The following KIF6 variants were observed in gnomAD, a reference collection of about 807,000 sequenced individuals.
The protein encoded by KIF6 is kinesin-like protein KIF6.
In KIF6, 106 loss-of-function variants were observed where a neutral mutation model predicts 112.7. The observed-to-expected ratio is 0.94, with a 90% CI of 0.80 to 1.11. The LOEUF is 1.11. Ranked by LOEUF, KIF6 falls within the 50% of genes least tolerant of loss-of-function variation. The pLI, the probability that KIF6 is intolerant of heterozygous loss-of-function variation, is 0.00. For missense variants in KIF6, 929 were observed against 964.0 expected (o/e 0.96, Z 0.48); for synonymous variants, 339 against 339.9 (o/e 1.00, Z 0.03).
intron 3 of KIF6, among the ~76,000 whole-genome samples, chr6:39,698,367 T>C (rs1388110179): frequency 2.0e-5 from 3 of 152,228 alleles, no homozygotes; most frequent in Non-Finnish European, 4.4e-5. Flanking sequence ...GTTGTAACAT[T>C]AAACCTGATT....
chr6:39,381,931 G>A (rs1766985968), intron 16 of KIF6, among the ~76,000 whole-genome samples: 1 of 152,182 alleles, frequency 6.6e-6, no homozygotes, highest in Admixed American at 6.5e-5. Context: ...AGAGAGATGA[G>A]CAGAGGAATT....
chr6:39,509,009 C>T (rs142541905), intron 13 of KIF6, among the ~76,000 whole-genome samples: 6,503 of 152,174 alleles, frequency 0.043, 172 homozygotes, highest in South Asian at 0.079. Flanking sequence ...GGGTGCTCCT[C>T]TGGGATGAAG....
rs958590520 is a variant in KIF6 at position 39,522,845 on chromosome 6, GC to G, written c.1645+17157del. 1.7e-4 allele frequency among the ~76,000 whole-genome samples: 26 copies of G among 152,228 alleles called. 1 individual carries two copies. In the East Asian group the frequency reaches 2.1e-3, roughly 12 times the overall value. On this transcript the variant is annotated intron_variant, in intron 13 of 22. Coordinates refer to ENST00000287152, the MANE Select transcript of KIF6 (RefSeq NM_145027.6). ...ACTGGGGCTCCTTAATAAGCATTCT[GC>G]CTTTGGTCCTCTTTTCCTCTTTTCC...
intron 13 of KIF6, among the ~76,000 whole-genome samples, chr6:39,478,924 T>C (rs1774621287): frequency 1.3e-5 from 2 of 152,132 alleles, no homozygotes; most frequent in African/African-American, 4.8e-5. Context: ...TCTATTCATG[T>C]CCTTAGCCTA....
chr6:39,655,128 GC>G (rs1323232756), intron 3 of KIF6, among the ~76,000 whole-genome samples: 1 of 152,012 alleles, frequency 6.6e-6, no homozygotes, highest in Non-Finnish European at 1.5e-5. Context: ...TTTTTATTTT[GC>G]CAATTTGATG....
chr6:39,574,104 A>C (rs1279416378), intron 10 of KIF6, among the ~76,000 whole-genome samples: 2 of 152,232 alleles, frequency 1.3e-5, no homozygotes, highest in Non-Finnish European at 2.9e-5. Context: ...ATCTATTGTC[A>C]CAATTTTAGT....
chr6:39,448,422 G>C (rs1360048589), intron 13 of KIF6, among the ~76,000 whole-genome samples: 5 of 152,064 alleles, frequency 3.3e-5, no homozygotes, highest in Non-Finnish European at 7.4e-5. Context: ...AGATCCACCC[G>C]CCTCATCCTC....
intron 3 of KIF6, among the ~76,000 whole-genome samples, chr6:39,714,290 T>C (rs1789709271): frequency 6.6e-6 from 1 of 152,136 alleles, no homozygotes; most frequent in Non-Finnish European, 1.5e-5. Context: ...CACCCATACC[T>C]TATCCTTTGT....
At chr6:39,685,482 C>T (rs560181208) in intron 3 of KIF6, among the ~76,000 whole-genome samples, 1 of 152,262 alleles carries the variant, frequency 6.6e-6, no homozygotes, top group Middle Eastern at 3.4e-3. Flanking sequence ...TGAGAAGAAC[C>T]AAATTGGGAA....
chr6:39,635,764 A>G (rs1784594238), intron 4 of KIF6, among the ~76,000 whole-genome samples: 1 of 152,028 alleles, frequency 6.6e-6, no homozygotes, highest in Non-Finnish European at 1.5e-5. Context: ...AAAATAAGGA[A>G]TTTTTTCAAC....
intron 3 of KIF6, among the ~76,000 whole-genome samples, chr6:39,680,638 G>A (rs1274669856): frequency 6.6e-6 from 1 of 152,118 alleles, no homozygotes; most frequent in Non-Finnish European, 1.5e-5. Context: ...AGTTTAACAG[G>A]CAGTGAAACA....
chr6:39,648,060 G>A lies in KIF6; in HGVS notation c.252-8303C>T, dbSNP rs929150228. Among the ~76,000 whole-genome samples the A allele has an allele frequency of 7.6e-5, 11 of 144,788 alleles. 1 individual carries two copies. Among genetic ancestry groups the A allele is most frequent in the Admixed American group, 7.0e-4 (10 of 14,232 alleles). The allele number at this position is 144,788 out of a possible 152,430, so 95.0% of individuals were successfully genotyped here. Reference sequence around the variant, plus strand: ...TTTTTTTGAGACAGAGTCTTACTCTGTCCACCAGGCTGGAGTGCAGTGGCA... The same window carrying A: ...TTTTTTTGAGACAGAGTCTTACTCTATCCACCAGGCTGGAGTGCAGTGGCA... On this transcript the variant is annotated intron_variant, in intron 3 of 22. Coordinates refer to ENST00000287152, the MANE Select transcript of KIF6 (RefSeq NM_145027.6).
At chr6:39,479,566 CT>C (rs1181034440) in intron 13 of KIF6, among the ~76,000 whole-genome samples, 4 of 151,910 alleles carry the variant, frequency 2.6e-5, no homozygotes, top group African/African-American at 9.7e-5. Flanking sequence ...CTTAGTCTTG[CT>C]TTGGCTATGT....
chr6:39,470,429 T>G (rs1480885558), intron 13 of KIF6, among the ~76,000 whole-genome samples: 3 of 152,136 alleles, frequency 2.0e-5, no homozygotes, highest in East Asian at 3.9e-4. Flanking sequence ...GGACTGGTCA[T>G]AGCAGAACAT....
Position 39,342,523 on chromosome 6 carries a change from C to T in KIF6, c.2428+1186G>A, listed in dbSNP as rs532928087. Reference sequence around the variant, plus strand: ...TTGCTGACTGATTGGCTGTTCATTGCTGTTCAGTGCCTGATACCTATCATC... The same window carrying T: ...TTGCTGACTGATTGGCTGTTCATTGTTGTTCAGTGCCTGATACCTATCATC... On this transcript the variant is annotated intron_variant, in intron 22 of 22. Coordinates refer to ENST00000287152, the MANE Select transcript of KIF6 (RefSeq NM_145027.6). This position sits in a 1 kb window ranked among gnomAD's most constrained non-coding sequence, Gnocchi z 4.7. 4.0e-5 allele frequency among the ~76,000 whole-genome samples: 6 copies of T among 151,190 alleles called. No homozygotes were observed. Among genetic ancestry groups the T allele is most frequent in the Non-Finnish European group, 8.8e-5 (6 of 68,010 alleles).
chr6:39,640,774 G>T (rs1224255942), intron 3 of KIF6, among the ~76,000 whole-genome samples: 2 of 152,042 alleles, frequency 1.3e-5, no homozygotes, highest in African/African-American at 4.8e-5. Flanking sequence ...TTCTGAAGTG[G>T]TCACTTATGA....
intron 3 of KIF6, among the ~76,000 whole-genome samples, chr6:39,651,594 A>C (rs1031907522): frequency 1.6e-4 from 25 of 152,202 alleles, no homozygotes; most frequent in African/African-American, 6.0e-4. Flanking sequence ...GATTTAAGTT[A>C]TGAGCCTTTT....
At chr6:39,705,466 C>A (rs924405167) in intron 3 of KIF6, among the ~76,000 whole-genome samples, 2 of 152,158 alleles carry the variant, frequency 1.3e-5, no homozygotes. Flanking sequence ...TGCATTTAAG[C>A]AATAAAGGGA....
At chr6:39,656,994 G>T (rs1785827574) in intron 3 of KIF6, among the ~76,000 whole-genome samples, 1 of 152,132 alleles carries the variant, frequency 6.6e-6, no homozygotes, top group Non-Finnish European at 1.5e-5. Flanking sequence ...ACTTTGGGAG[G>T]CTGAGGTGGG....
Sources: gnomAD v4.1 joint callset for allele counts (sites outside exome capture counted in the v4.1 genomes callset) on GRCh38, gnomAD v4.1.1 for gene constraint, Gnocchi (gnomAD v3.1) non-coding constraint, MANE v1.5 for transcripts, NCBI Gene and HGNC (gene_info 2026-07-23, HGNC 2026-07-21) for gene names.